The following TMEM74 variants were observed in gnomAD, a reference collection of about 807,000 sequenced individuals.
TMEM74 encodes the protein transmembrane protein 74.
In TMEM74, 13 loss-of-function variants were observed where a neutral mutation model predicts 18.1. That is an observed-to-expected ratio of 0.72 (90% CI 0.47 to 1.14). The LOEUF (loss-of-function observed/expected upper bound fraction) is 1.14. TMEM74 is among the 50% of genes most tolerant of loss of function. TMEM74 has a pLI of 0.00. For synonymous variants in TMEM74, 159 were observed against 146.6 expected (o/e 1.08, Z -0.61); for missense variants, 372 against 375.9 (o/e 0.99, Z 0.09).
intron 1 of TMEM74, among the ~76,000 whole-genome samples, chr8:108,687,696 A>G (rs934620442): frequency 1.3e-5 from 2 of 151,992 alleles, no homozygotes; most frequent in East Asian, 1.9e-4. Context: ...AGAGTGTGCA[A>G]CCTAGATCCC....
intron 2 of TMEM74, among the ~76,000 whole-genome samples, chr8:108,640,152 G>A (rs1386298410): frequency 7.6e-6 from 1 of 131,614 alleles, no homozygotes; most frequent in Admixed American, 8.6e-5. Context: ...GTGAGACGGA[G>A]TCCGGAGTCT....
intron 1 of TMEM74, among the ~76,000 whole-genome samples, chr8:108,732,396 A>G (rs962637270): frequency 4.6e-5 from 7 of 152,158 alleles, no homozygotes; most frequent in African/African-American, 1.7e-4. Context: ...GCTTTTTAAG[A>G]CTATAAAAAA....
chr8:108,727,237 G>T (rs899241669), intron 1 of TMEM74, among the ~76,000 whole-genome samples: 4 of 152,126 alleles, frequency 2.6e-5, no homozygotes, highest in Non-Finnish European at 1.5e-5. Context: ...CAGAAATAAT[G>T]ATTTGAGTTA....
In TMEM74 at chr8:108,651,785, G is replaced by T. The variant is rs577625782; in HGVS notation, n.264+3508C>A. On this transcript the variant is annotated intron_variant and non_coding_transcript_variant, in intron 2 of 3. Transcript: ENST00000518838. Reference sequence around the variant, plus strand: ...GAGAAGTAAAGCTAAAAGGAGAAGAGTTATTTTTTTTTGATATATGTGTAT... The same window carrying T: ...GAGAAGTAAAGCTAAAAGGAGAAGATTTATTTTTTTTTGATATATGTGTAT... 2.6e-5 allele frequency among the ~76,000 whole-genome samples: 4 copies of T among 151,936 alleles called. No homozygotes were observed. In the East Asian group the frequency reaches 7.8e-4, roughly 29 times the overall value.
intron 1 of TMEM74, among the ~76,000 whole-genome samples, chr8:108,668,761 T>C (rs982475895): frequency 8.5e-5 from 13 of 152,134 alleles, no homozygotes; most frequent in Middle Eastern, 3.2e-3. Context: ...CAAAGCAAAA[T>C]AAACATATTT....
chr8:108,746,487 C>G (rs763308688), intron 1 of TMEM74, among the ~76,000 whole-genome samples: 1 of 152,030 alleles, frequency 6.6e-6, no homozygotes, highest in Non-Finnish European at 1.5e-5. Context: ...CTAGTACCTC[C>G]TGGCAATGGT....
At chr8:108,711,553 T>C (rs933803898) in intron 1 of TMEM74, among the ~76,000 whole-genome samples, 5 of 152,142 alleles carry the variant, frequency 3.3e-5, no homozygotes, top group South Asian at 2.1e-4. Flanking sequence ...AGAAGAGCCA[T>C]AATATTGTGA....
intron 1 of TMEM74, among the ~76,000 whole-genome samples, chr8:108,680,258 A>T (rs2130598115): frequency 6.6e-6 from 1 of 152,342 alleles, no homozygotes; most frequent in Middle Eastern, 3.4e-3. Flanking sequence ...ATTGATGCAA[A>T]AATCCTCAAT....
intron 1 of TMEM74, among the ~76,000 whole-genome samples, chr8:108,752,175 G>C (rs1813910861): frequency 6.6e-6 from 1 of 152,120 alleles, no homozygotes; most frequent in South Asian, 2.1e-4. Flanking sequence ...CACTGGATCT[G>C]AAGCTGAACT....
intron 3 of TMEM74, among the ~76,000 whole-genome samples, chr8:108,608,060 T>G (rs1586231683): frequency 6.6e-6 from 1 of 152,048 alleles, no homozygotes; most frequent in East Asian, 1.9e-4. Context: ...TCCCAGCACT[T>G]TGGGAGGCCG....
At chr8:108,743,047 T>C (rs989670131) in intron 1 of TMEM74, among the ~76,000 whole-genome samples, 3 of 152,218 alleles carry the variant, frequency 2.0e-5, no homozygotes, top group African/African-American at 7.2e-5. Flanking sequence ...TCGATAGTTT[T>C]ATGCATTGCA....
At chr8:108,667,495 C>T (rs754714702) in intron 1 of TMEM74, among the ~76,000 whole-genome samples, 42 of 151,960 alleles carry the variant, frequency 2.8e-4, no homozygotes, top group Non-Finnish European at 5.1e-4. Context: ...ATAATGGAAG[C>T]GTTTCACTGC....
At chr8:108,631,615 T>C (rs1254886324) in intron 2 of TMEM74, among the ~76,000 whole-genome samples, 4 of 152,062 alleles carry the variant, frequency 2.6e-5, no homozygotes, top group Non-Finnish European at 4.4e-5. Context: ...TGCCGGATAT[T>C]AGACCTTTGT....
At chr8:108,705,585 T>G (rs1813389003) in intron 1 of TMEM74, among the ~76,000 whole-genome samples, 1 of 152,132 alleles carries the variant, frequency 6.6e-6, no homozygotes, top group South Asian at 2.1e-4. Context: ...CTTCTCTTAC[T>G]CCTTAGTTGT....
At chr8:108,760,165 AGAGAGAGAGG>A (rs1320976175) in intron 1 of TMEM74, among the ~76,000 whole-genome samples, 3 of 151,258 alleles carry the variant, frequency 2.0e-5, no homozygotes, top group African/African-American at 7.3e-5. Flanking sequence ...AGAGAGAGAG[AGAGAGAGAGG>A]GAGAGAGAGA....
At chr8:108,686,170 C>A (rs1813165535) in intron 1 of TMEM74, among the ~76,000 whole-genome samples, 1 of 151,932 alleles carries the variant, frequency 6.6e-6, no homozygotes, top group South Asian at 2.1e-4. Flanking sequence ...ACAATGGGAG[C>A]GTAAGTTGGG....
At chr8:108,628,452 G>A (rs759400440) in intron 2 of TMEM74, among the ~76,000 whole-genome samples, 2 of 152,000 alleles carry the variant, frequency 1.3e-5, no homozygotes, top group Admixed American at 6.6e-5. Flanking sequence ...TCCCTGCAAA[G>A]GACATGAACT....
intron 1 of TMEM74, among the ~76,000 whole-genome samples, chr8:108,680,169 G>A (rs1268923091): frequency 1.3e-5 from 2 of 152,206 alleles, no homozygotes; most frequent in Admixed American, 6.5e-5. Flanking sequence ...CATTTTATGA[G>A]GCTAGCATCA....
At chr8:108,742,111 A>T (rs564847869) in intron 1 of TMEM74, among the ~76,000 whole-genome samples, 1 of 152,130 alleles carries the variant, frequency 6.6e-6, no homozygotes, top group South Asian at 2.1e-4. Context: ...AATCACAAAC[A>T]CAAAGAAGGG....
Sources: allele counts gnomAD v4.1 joint callset (sites outside exome capture counted in the v4.1 genomes callset), GRCh38; gene constraint gnomAD v4.1.1; transcripts MANE v1.5; gene names NCBI Gene and HGNC (gene_info 2026-07-23, HGNC 2026-07-21).